Variants in PCM1 observed in about 807,000 individuals in gnomAD.
PCM1 encodes the protein pericentriolar material 1.
In PCM1, 157 loss-of-function variants were observed where a neutral mutation model predicts 241.9. That is an observed-to-expected ratio of 0.65 (90% CI 0.57 to 0.74). The LOEUF is 0.74. PCM1 is among the 30% of genes least tolerant of loss of function. The pLI, the probability that PCM1 is intolerant of heterozygous loss-of-function variation, is 0.00. For synonymous variants in PCM1, 1,085 were observed against 784.9 expected (o/e 1.38, Z -6.39); for missense variants, 3,478 against 2,360.1 (o/e 1.47, Z -9.81).
chr8:17,949,558 C>T (rs1171164265), intron 7 of PCM1, among the ~76,000 whole-genome samples: 4 of 143,770 alleles, frequency 2.8e-5, no homozygotes, highest in African/African-American at 7.8e-5. Context: ...ATACAGTGGG[C>T]GTGATCTTGG....
intron 35 of PCM1, 49 bp downstream of exon 35, chr8:18,014,085 G>C: frequency 1.0e-6 from 1 of 1,002,016 alleles, no homozygotes; most frequent in East Asian, 2.9e-5. Context: ...TCCTTTATTT[G>C]CTTTAAAGCT....
chr8:17,963,509 C>G (rs1393554657), intron 17 of PCM1, among the ~76,000 whole-genome samples: 1 of 152,128 alleles, frequency 6.6e-6, no homozygotes, highest in African/African-American at 2.4e-5. Context: ...TCTTAAATTA[C>G]TATGGCACTT....
intron 9 of PCM1, among the ~76,000 whole-genome samples, chr8:17,954,682 T>G (rs1470508973): frequency 6.6e-6 from 1 of 152,182 alleles, no homozygotes; most frequent in Non-Finnish European, 1.5e-5. Flanking sequence ...TGATGGTTCC[T>G]TTGAGAAAGA....
intron 2 of PCM1, 103 bp from the exon 3 acceptor site, chr8:17,935,486 A>G (rs73212640): frequency 8.4e-6 from 5 of 597,000 alleles, no homozygotes; most frequent in Non-Finnish European, 1.5e-5. Context: ...TAGTTCATAA[A>G]AATCAGTGCT....
At chr8:18,025,906 T>A (rs907441525) in intron 38 of PCM1, among the ~76,000 whole-genome samples, 1 of 152,060 alleles carries the variant, frequency 6.6e-6, no homozygotes, top group African/African-American at 2.4e-5. Context: ...GGCTCACGCC[T>A]GTAATCCCAG....
At position 17,972,292 on chromosome 8, in the gene PCM1, A is replaced by C. The variant is rs765287759; in HGVS notation, c.3585-37A>C. On this transcript the variant is annotated intron_variant, in intron 22 of 38. Transcript: ENST00000325083. ...TGTATTTGGAGTTTTTGTAAACTAT[A>C]GTTGTTAACTTATAAAAACTTGTTT... is the stretch of plus-strand genomic sequence containing the variant. The C allele has an allele frequency of 3.3e-6, 4 of 1,206,172 alleles. No individual in the cohort carries two copies. In the African/African-American group the frequency reaches 6.1e-5, roughly 18 times the overall value. The allele number at this position is 1,206,172 out of a possible 1,614,324, so 74.7% of individuals were successfully genotyped here. A position where few individuals can be genotyped will look rare whatever the true frequency, so the allele number is the denominator to read the frequency against.
chr8:18,013,857 C>A (rs373209317), intron 34 of PCM1, 107 bp from the exon 35 acceptor site: 3 of 658,724 alleles, frequency 4.6e-6, no homozygotes, highest in African/African-American at 3.9e-5. Context: ...TTTTAAATTT[C>A]TTTGTATGAA....
In PCM1 at chr8:17,960,533, C is replaced by G. The variant is rs11984528; in HGVS notation, c.2322+89C>G. The G allele has an allele frequency of 3.3e-5, 20 of 602,566 alleles. 1 individual carries two copies. Among genetic ancestry groups the G allele is most frequent in the East Asian group, 2.4e-4 (6 of 25,086 alleles). The allele number at this position is 602,566 out of a possible 1,614,324, so 37.3% of individuals were successfully genotyped here. A position where few individuals can be genotyped will look rare whatever the true frequency, so the allele number is the denominator to read the frequency against. On this transcript the variant is annotated intron_variant, in intron 15 of 38. Coordinates refer to ENST00000325083, the MANE Select transcript of PCM1 (RefSeq NM_006197.4). The stretch of plus-strand genomic sequence containing the variant: ...AGTACTCTTTTTTGTTTTTGTTTTT[C>G]TTTTTTTTTGAGGCAGAGTCTCACT...
At chr8:17,950,082 C>G (rs947022994) in intron 7 of PCM1, among the ~76,000 whole-genome samples, 2 of 152,106 alleles carry the variant, frequency 1.3e-5, no homozygotes, top group Non-Finnish European at 2.9e-5. Context: ...CAGCCATGCC[C>G]TTTTGTTTAC....
chr8:17,960,871 T>C (rs2071524024), intron 15 of PCM1, among the ~76,000 whole-genome samples: 1 of 152,110 alleles, frequency 6.6e-6, no homozygotes, highest in Non-Finnish European at 1.5e-5. Flanking sequence ...TTGTGATTAA[T>C]GAAGTGGATG....
In PCM1 at chr8:17,970,657, A is replaced by G. The variant is rs189507269; in HGVS notation, c.3584+909A>G. 1.7e-4 allele frequency among the ~76,000 whole-genome samples: 26 copies of G among 152,314 alleles called. No individual in the cohort carries two copies. The East Asian group carries it at 3.3e-3, about 19-fold the overall frequency. ...CCATTCAGAAATGATTGTTGAATGA[A>G]TATCCATCACGAGCAGTAAACATTT... On this transcript the variant is annotated intron_variant, in intron 22 of 38. Coordinates refer to ENST00000325083, the MANE Select transcript of PCM1 (RefSeq NM_006197.4).
chr8:17,929,676 C>T (rs926066030), intron 2 of PCM1, among the ~76,000 whole-genome samples: 5 of 152,232 alleles, frequency 3.3e-5, no homozygotes, highest in East Asian at 1.9e-4. Flanking sequence ...CTTTATCGCC[C>T]GTGTTGTAAT....
Position 17,963,160 on chromosome 8 carries a change from G to T in PCM1, c.2523G>T (p.Lys841Asn), listed in dbSNP as rs755802182. The part of the protein sequence containing the change: ...MLREELRQRR[K>N]QLEALMAEHQ... ...GGGAGGAGCTGCGACAGAGAAGAAA[G>T]CAGCTTGAAGCTCTGATGGCTGAAC... is the stretch of plus-strand genomic sequence containing the variant. The change falls in exon 17 of 39, where the codon AAG becomes AAT. Residue 841 changes from lysine (K) to asparagine (N), a missense_variant. Transcript: ENST00000325083. 1 of 1,613,728 alleles carries T rather than the reference G, an allele frequency of 6.2e-7. No homozygotes were observed. Among genetic ancestry groups the T allele is most frequent in the East Asian group, 2.2e-5 (1 of 44,856 alleles).
intron 38 of PCM1, among the ~76,000 whole-genome samples, chr8:18,027,097 T>C (rs383091): frequency 0.54 from 82,790 of 152,020 alleles, 23,205 homozygotes; most frequent in Middle Eastern, 0.64. Context: ...TGATGAAAAT[T>C]GCATGATATC....
At chr8:17,981,905 GA>G (rs3216301) in intron 24 of PCM1, among the ~76,000 whole-genome samples, 49,097 of 148,944 alleles carry the variant, frequency 0.33, 9,977 homozygotes, top group African/African-American at 0.58. Flanking sequence ...GACAAAAGGG[GA>G]AAAAAAAAAA....
rs753177756 is a variant in PCM1, at chr8:18,009,581, A to G, written c.4997A>G (p.Lys1666Arg). The change falls in exon 31 of 39, where the codon AAA becomes AGA. Residue 1666 changes from lysine to arginine, a missense_variant. By Grantham distance (26) the Lys-to-Arg change is conservative. Coordinates refer to ENST00000325083, the MANE Select transcript of PCM1 (RefSeq NM_006197.4). ...GCAAAATTTGCTGGCAGAAAACTGA[A>G]AGACTGTGGAGAAGATCTTCTTGTA... ...SLAKFAGRKL[K>R]DCGEDLLVEI... 1.2e-6 allele frequency: 2 copies of G among 1,602,536 alleles called. No individual in the cohort carries two copies. Among genetic ancestry groups the G allele is most frequent in the Non-Finnish European group, 1.7e-6 (2 of 1,173,930 alleles).
Position 17,957,683 on chromosome 8 carries a change from C to G in PCM1, c.1948C>G (p.Pro650Ala), listed in dbSNP as rs774889850. 18 of 1,611,258 alleles carry G rather than the reference C, an allele frequency of 1.1e-5. No individual in the cohort carries two copies. Among genetic ancestry groups the G allele is most frequent in the Non-Finnish European group, 1.4e-5 (17 of 1,178,608 alleles). The change falls in exon 13 of 39, where the codon CCA becomes GCA. Residue 650 changes from proline to alanine, a missense_variant. Physicochemically the swap from Pro to Ala is conservative, Grantham distance 27. Transcript: ENST00000325083. ...CAGGAGCAGTCTGGTTGATGAGCATCCAGAAGATGCTGAATTTGAACAGAA... is the reference window on the plus strand; with the variant it reads ...CAGGAGCAGTCTGGTTGATGAGCATGCAGAAGATGCTGAATTTGAACAGAA... ...SHRSSLVDEHPEDAEFEQKIN... is the reference protein window; with the variant it reads ...SHRSSLVDEHAEDAEFEQKIN...
Position 17,957,758 on chromosome 8 carries a change from C to T in PCM1, c.2023C>T (p.Leu675Phe). The change falls in exon 13 of 39, where the codon CTT becomes TTT. Residue 675 changes from leucine to phenylalanine, a missense_variant. Leu to Phe is a conservative substitution (Grantham distance 22, BLOSUM62 0). Coordinates refer to ENST00000325083, the MANE Select transcript of PCM1 (RefSeq NM_006197.4). ...AKQKLRQLQD[L>F]VAMVQDDDAA... ...ACAGAAACTTAGACAGTTACAAGAT[C>T]TTGTTGCTATGGTACAGGTAAATAT... 1.2e-6 allele frequency: 2 copies of T among 1,612,020 alleles called. No individual in the cohort carries two copies. The highest frequency in any genetic ancestry group is 1.3e-5 in the African/African-American group (1 of 75,020).
chr8:17,924,417 C>T (rs759684937), intron 1 of PCM1, among the ~76,000 whole-genome samples: 2 of 152,152 alleles, frequency 1.3e-5, no homozygotes, highest in South Asian at 2.1e-4. Context: ...TAAACTTTGG[C>T]ATAGACTATT....
Sources: allele counts gnomAD v4.1 joint callset (sites outside exome capture counted in the v4.1 genomes callset), GRCh38; gene constraint gnomAD v4.1.1; transcripts MANE v1.5; gene names NCBI Gene and HGNC (gene_info 2026-07-23, HGNC 2026-07-21).